The following ZNF609 variants were observed in gnomAD, a reference collection of about 807,000 sequenced individuals.
ZNF609 encodes the protein zinc finger protein 609.
ZNF609 carries 11 observed loss-of-function variants against 109.5 expected under a neutral mutation model. The ratio of observed to expected loss-of-function variants is 0.10; its 90% CI spans 0.06 to 0.17. The LOEUF (loss-of-function observed/expected upper bound fraction) is 0.17. Among genes scored for constraint, ZNF609 ranks in the 10% least tolerant of loss-of-function variants. The pLI is 1.00. For synonymous variants in ZNF609, 646 were observed against 662.0 expected (o/e 0.98, Z 0.37); for missense variants, 1,559 against 1,772.4 (o/e 0.88, Z 2.16).
chr15:64,496,848 C>G (rs974474088), intron 1 of ZNF609, among the ~76,000 whole-genome samples: 16 of 151,634 alleles, frequency 1.1e-4, no homozygotes, highest in African/African-American at 3.6e-4. Flanking sequence ...GCGTCTCGCT[C>G]TGTCACCCAG....
chr15:64,577,486 CAT>C (rs1161268740), intron 2 of ZNF609, among the ~76,000 whole-genome samples: 4 of 47,560 alleles, frequency 8.4e-5, no homozygotes, highest in Admixed American at 4.0e-4. Flanking sequence ...TATATATACA[CAT>C]ATAAATATAT....
chr15:64,584,718 T>A lies in ZNF609; in HGVS notation c.748-38109T>A, dbSNP rs184005176. ...AGCTCGGCTCACTGCAACCTCTGCCTCCCAAGTTCAAGTGATTCTCCTGCC... is the reference window on the plus strand; with the variant it reads ...AGCTCGGCTCACTGCAACCTCTGCCACCCAAGTTCAAGTGATTCTCCTGCC... On this transcript the variant is annotated intron_variant, in intron 2 of 9. Coordinates refer to ENST00000326648, the MANE Select transcript of ZNF609 (RefSeq NM_015042.2). 3.2e-4 allele frequency among the ~76,000 whole-genome samples: 48 copies of A among 152,046 alleles called. 1 individual carries two copies. Among genetic ancestry groups the A allele is most frequent in the Admixed American group, 3.1e-3 (48 of 15,250 alleles).
intron 2 of ZNF609, among the ~76,000 whole-genome samples, chr15:64,503,968 C>T (rs147580293): frequency 6.6e-6 from 1 of 152,302 alleles, no homozygotes; most frequent in Non-Finnish European, 1.5e-5. Flanking sequence ...GCTTAGTTCT[C>T]TTGTATTGTA....
chr15:64,582,627 T>C (rs777940654), intron 2 of ZNF609, among the ~76,000 whole-genome samples: 4 of 152,150 alleles, frequency 2.6e-5, no homozygotes, highest in Non-Finnish European at 5.9e-5. Context: ...CTGAAAAAAC[T>C]GTTCTGCCTG....
intron 2 of ZNF609, among the ~76,000 whole-genome samples, chr15:64,558,049 A>G (rs1431572225): frequency 6.6e-6 from 1 of 152,224 alleles, no homozygotes; most frequent in African/African-American, 2.4e-5. Context: ...TATATCATAC[A>G]TAGACTATTG....
chr15:64,583,641 TTCA>T (rs1351465764), intron 2 of ZNF609, among the ~76,000 whole-genome samples: 2 of 152,186 alleles, frequency 1.3e-5, no homozygotes, highest in Non-Finnish European at 2.9e-5. Flanking sequence ...AGTGTTTCAT[TTCA>T]TCTCTGTTCT....
At chr15:64,658,645 G>A (rs1012357859) in intron 3 of ZNF609, among the ~76,000 whole-genome samples, 3 of 151,676 alleles carry the variant, frequency 2.0e-5, no homozygotes, top group African/African-American at 2.4e-5. Flanking sequence ...TGACAATAGC[G>A]TATATGTTGG....
At chr15:64,543,255 CTTTT>C (rs77646116) in intron 2 of ZNF609, among the ~76,000 whole-genome samples, 4 of 113,314 alleles carry the variant, frequency 3.5e-5, no homozygotes, top group Admixed American at 1.8e-4. Flanking sequence ...TTTGTTGTTG[CTTTT>C]TTTTTTTTTT....
At chr15:64,541,315 T>A (rs1259073456) in intron 2 of ZNF609, among the ~76,000 whole-genome samples, 1 of 148,592 alleles carries the variant, frequency 6.7e-6, no homozygotes, top group Non-Finnish European at 1.5e-5. Flanking sequence ...TAGTCCCCGC[T>A]ACTCGGGAGG....
At chr15:64,485,264 T>C (rs1478562788) in intron 1 of ZNF609, among the ~76,000 whole-genome samples, 1 of 152,132 alleles carries the variant, frequency 6.6e-6, no homozygotes, top group East Asian at 1.9e-4. Context: ...AAAGGGAATA[T>C]AATGTCAAGT....
intron 2 of ZNF609, among the ~76,000 whole-genome samples, chr15:64,535,626 A>G (rs762904066): frequency 1.3e-5 from 2 of 152,156 alleles, no homozygotes; most frequent in Non-Finnish European, 2.9e-5. Flanking sequence ...ATAAGTTTTC[A>G]TTTCTCTGGG....
At chr15:64,525,678 A>C (rs2140367720) in intron 2 of ZNF609, among the ~76,000 whole-genome samples, 1 of 152,328 alleles carries the variant, frequency 6.6e-6, no homozygotes, top group East Asian at 1.9e-4. Context: ...AATCTTAACA[A>C]TAAAAAATCT....
intron 2 of ZNF609, among the ~76,000 whole-genome samples, chr15:64,576,954 A>ATACATATATG (rs1363556333): frequency 7.0e-6 from 1 of 142,288 alleles, no homozygotes; most frequent in African/African-American, 2.6e-5. Context: ...ATATACATAT[A>ATACATATATG]TGTATATATA....
chr15:64,680,758 G>A lies in ZNF609; in HGVS notation c.4058G>A (p.Arg1353Gln), dbSNP rs575872244. The change falls in exon 8 of 10, where the codon CGG becomes CAG. Residue 1353 changes from arginine to glutamine, a missense_variant. Arg to Gln is a conservative substitution (Grantham distance 43). Transcript: ENST00000326648. Reference sequence around the variant, plus strand: ...AGTGGGGGTGAACGGAGTGTTGACCGGCCCCGCACCTCTCCTTCCCAGCGC... The same window carrying A: ...AGTGGGGGTGAACGGAGTGTTGACCAGCCCCGCACCTCTCCTTCCCAGCGC... ...GASGGERSVD[R>Q]PRTSPSQRLM... 9 of 1,613,442 alleles carry A rather than the reference G, an allele frequency of 5.6e-6. No homozygotes were observed. The highest frequency in any genetic ancestry group is 4.0e-5 in the African/African-American group (3 of 74,850).
intron 3 of ZNF609, among the ~76,000 whole-genome samples, chr15:64,642,581 C>A (rs1214022647): frequency 6.6e-6 from 1 of 152,156 alleles, no homozygotes; most frequent in Non-Finnish European, 1.5e-5. Flanking sequence ...ATTACTTGAG[C>A]CCAGGAGTTC....
chr15:64,665,689 C>A (rs1032886665), intron 3 of ZNF609, among the ~76,000 whole-genome samples: 2 of 152,274 alleles, frequency 1.3e-5, no homozygotes, highest in Middle Eastern at 3.4e-3. Flanking sequence ...GCAGGCAGAT[C>A]ACCTGAGGTC....
In ZNF609 at chr15:64,520,481, T is replaced by A. The variant is rs75872336; in HGVS notation, c.747+20315T>A. Among the ~76,000 whole-genome samples, 545 of 152,306 alleles carry A rather than the reference T, an allele frequency of 3.6e-3. 2 individuals are homozygous for A. The highest frequency in any genetic ancestry group is 0.011 in the African/African-American group (468 of 41,566). On this transcript the variant is annotated intron_variant, in intron 2 of 9. Coordinates refer to ENST00000326648, the MANE Select transcript of ZNF609 (RefSeq NM_015042.2). ...ATATATGATATATGTAGTTTTCTGT[T>A]GTGAATGTTGTTTCCGTAGAAAGTA...
chr15:64,567,235 C>G (rs1309599918), intron 2 of ZNF609, among the ~76,000 whole-genome samples: 1 of 152,112 alleles, frequency 6.6e-6, no homozygotes, highest in African/African-American at 2.4e-5. Context: ...TCTGTAATCC[C>G]AGCACTTTGG....
chr15:64,474,131 C>T (rs531028738), intron 1 of ZNF609, among the ~76,000 whole-genome samples: 1 of 152,024 alleles, frequency 6.6e-6, no homozygotes, highest in African/African-American at 2.4e-5. Flanking sequence ...TGGTCTCGAA[C>T]TCCTGACCTC....
Sources: allele counts gnomAD v4.1 joint callset (sites outside exome capture counted in the v4.1 genomes callset), GRCh38; gene constraint gnomAD v4.1.1; transcripts MANE v1.5; gene names NCBI Gene and HGNC (gene_info 2026-07-23, HGNC 2026-07-21).